Variants in NFU1 observed in about 807,000 individuals in gnomAD.
NFU1 encodes NFU1 iron-sulfur cluster scaffold, also known as NFU1 iron-sulfur cluster scaffold homolog, mitochondrial.
In NFU1, 30 loss-of-function variants were observed where a neutral mutation model predicts 32.2. That is an observed-to-expected ratio of 0.93 (90% CI 0.70 to 1.26). The LOEUF is 1.26. NFU1 is among the 50% of genes most tolerant of loss of function. The pLI, the probability that NFU1 is intolerant of heterozygous loss-of-function variation, is 0.00. For missense variants in NFU1, 306 were observed against 306.6 expected (o/e 1.00, Z 0.02); for synonymous variants, 112 against 104.6 (o/e 1.07, Z -0.43).
chr2:69,409,056 G>A lies in NFU1; in HGVS notation c.485-2974C>T, dbSNP rs577541033. Among the ~76,000 whole-genome samples, 8 of 151,836 alleles carry A rather than the reference G, an allele frequency of 5.3e-5. No homozygotes were observed. In the East Asian group the frequency reaches 7.8e-4, roughly 15 times the overall value. On this transcript the variant is annotated intron_variant, in intron 5 of 7. Transcript: ENST00000410022. ...GGGGTTACACCATGTTGGCCAGGCC[G>A]TTCTTGAACTCCTGACCTCAGGTGA...
intron 5 of NFU1, 95 bp from the exon 6 acceptor site, chr2:69,406,177 A>G: frequency 2.7e-6 from 2 of 745,392 alleles, no homozygotes. Context: ...TACATGGTTC[A>G]TTAAAAACAT....
intron 6 of NFU1, 97 bp from the exon 7 acceptor site, chr2:69,400,635 A>T (rs1672493313): frequency 9.7e-7 from 1 of 1,026,490 alleles, no homozygotes; most frequent in African/African-American, 1.6e-5. Flanking sequence ...TATATTAGTA[A>T]AATTCACAAA....
chr2:69,432,524 A>T (rs1299989940), intron 1 of NFU1, among the ~76,000 whole-genome samples: 2 of 152,052 alleles, frequency 1.3e-5, no homozygotes, highest in Non-Finnish European at 2.9e-5. Flanking sequence ...CAGTGAGCCA[A>T]CATCATGCCA....
chr2:69,405,884 C>T (rs907485063), intron 6 of NFU1, 138 bp downstream of exon 6: 9 of 640,370 alleles, frequency 1.4e-5, no homozygotes, highest in South Asian at 3.6e-5. Context: ...TCAATTGTCA[C>T]GGCTACCTGT....
At chr2:69,397,529 A>C (rs1197356718) in intron 7 of NFU1, among the ~76,000 whole-genome samples, 2 of 152,172 alleles carry the variant, frequency 1.3e-5, no homozygotes, top group African/African-American at 4.8e-5. Flanking sequence ...TTGAATAAAA[A>C]TGTTCCTCAG....
At chr2:69,429,416 T>C (rs1307132415) in intron 2 of NFU1, among the ~76,000 whole-genome samples, 1 of 151,832 alleles carries the variant, frequency 6.6e-6, no homozygotes, top group Non-Finnish European at 1.5e-5. Flanking sequence ...CAAAAATTGG[T>C]CAGCTGTGGT....
intron 3 of NFU1, among the ~76,000 whole-genome samples, chr2:69,421,194 C>T (rs562690904): frequency 2.7e-4 from 41 of 151,080 alleles, no homozygotes; most frequent in African/African-American, 9.5e-4. Flanking sequence ...GCCTGGGCAA[C>T]AAAAGTGAAA....
chr2:69,416,699 GA>G (rs533544776), intron 4 of NFU1, among the ~76,000 whole-genome samples: 147 of 152,290 alleles, frequency 9.7e-4, no homozygotes, highest in Middle Eastern at 3.4e-3. Context: ...AGGAGTTTGA[GA>G]CCAGCCTGGC....
chr2:69,435,606 C>G (rs1428483853), intron 1 of NFU1, among the ~76,000 whole-genome samples: 2 of 152,108 alleles, frequency 1.3e-5, no homozygotes, highest in Non-Finnish European at 2.9e-5. Context: ...TTCTTAGATG[C>G]TATTGGAGAG....
At chr2:69,425,700 G>A (rs1389297852) in intron 2 of NFU1, among the ~76,000 whole-genome samples, 1 of 151,586 alleles carries the variant, frequency 6.6e-6, no homozygotes. Flanking sequence ...TGGCCAGGCT[G>A]ATCTCAAACT....
At chr2:69,398,528 C>T (rs1478917973) in intron 7 of NFU1, among the ~76,000 whole-genome samples, 1 of 152,188 alleles carries the variant, frequency 6.6e-6, no homozygotes, top group Non-Finnish European at 1.5e-5. Context: ...CCTAAACAAA[C>T]ACATACTTAG....
intron 4 of NFU1, among the ~76,000 whole-genome samples, chr2:69,419,219 G>GC (rs1277880366): frequency 1.3e-5 from 2 of 151,974 alleles, no homozygotes; most frequent in Non-Finnish European, 2.9e-5. Flanking sequence ...GGTGGCGGGG[G>GC]GGGGCGCCGA....
At chr2:69,414,571 T>G (rs1008606264) in intron 5 of NFU1, among the ~76,000 whole-genome samples, 3 of 142,138 alleles carry the variant, frequency 2.1e-5, no homozygotes, top group Non-Finnish European at 3.0e-5. Context: ...TGAGCCAACA[T>G]TGCGTCACTG....
intron 2 of NFU1, among the ~76,000 whole-genome samples, chr2:69,431,375 G>C (rs374339145): frequency 6.6e-6 from 1 of 152,084 alleles, no homozygotes; most frequent in African/African-American, 2.4e-5. Context: ...GTGTGATCAC[G>C]GCTCACTGCA....
upstream of NFU1, among the ~76,000 whole-genome samples, chr2:69,439,031 CCT>C (rs1673959233): frequency 2.0e-5 from 3 of 151,850 alleles, no homozygotes; most frequent in African/African-American, 7.3e-5. Flanking sequence ...TCAATTTTTC[CCT>C]CTCTGATGGA....
At chr2:69,415,447 T>C (rs1410603135) in intron 4 of NFU1, 148 bp from the exon 5 acceptor site, 17 of 602,688 alleles carry the variant, frequency 2.8e-5, no homozygotes, top group Non-Finnish European at 4.5e-5. Context: ...TGGTGTGATC[T>C]TGGCTCACTG....
chr2:69,400,568 T>C (rs1034916134), intron 6 of NFU1, 30 bp from the exon 7 acceptor site: 3 of 1,597,758 alleles, frequency 1.9e-6, no homozygotes, highest in African/African-American at 1.3e-5. Flanking sequence ...TTATGACATA[T>C]TCTTTAAAAT....
In NFU1 at chr2:69,437,405, C is replaced by T; in HGVS notation, c.18G>A (p.Arg6=). Residue 6 remains arginine, a synonymous_variant, in exon 1 of 8, where the codon AGG becomes AGA. Coordinates refer to ENST00000410022, the MANE Select transcript of NFU1 (RefSeq NM_001002755.4). MAATA[R]RGWGAAAVAA... ...CAACAGCCGCAGCTCCCCAGCCCCGCCTGGCCGTCGCCGCCATCTTAGTCC... is the reference window on the plus strand; with the variant it reads ...CAACAGCCGCAGCTCCCCAGCCCCGTCTGGCCGTCGCCGCCATCTTAGTCC... 1 of 1,610,704 alleles carries T rather than the reference C, an allele frequency of 6.2e-7. No homozygotes were observed. The highest frequency in any genetic ancestry group is 1.3e-5 in the African/African-American group (1 of 75,056).
intron 5 of NFU1, among the ~76,000 whole-genome samples, chr2:69,414,611 CT>C (rs1672991781): frequency 1.0e-5 from 1 of 95,968 alleles, no homozygotes. Flanking sequence ...GAGTGAGAGT[CT>C]GTCTCTAAAA....
Sources: gnomAD v4.1 joint callset for allele counts (sites outside exome capture counted in the v4.1 genomes callset) on GRCh38, gnomAD v4.1.1 for gene constraint, MANE v1.5 for transcripts, NCBI Gene and HGNC (gene_info 2026-07-23, HGNC 2026-07-21) for gene names.